SEMA5B: variants seen among roughly 807,000 people sequenced by gnomAD.
SEMA5B encodes the protein semaphorin-5B.
Under a neutral mutation model 135.0 loss-of-function variants are expected in SEMA5B, and 66 were observed. The observed-to-expected ratio is 0.49, with a 90% CI of 0.40 to 0.60. The LOEUF (loss-of-function observed/expected upper bound fraction) is 0.60, where lower values mean the gene tolerates loss of function less well. Among genes scored for constraint, SEMA5B ranks in the 20% least tolerant of loss-of-function variants. The pLI, the probability that SEMA5B is intolerant of heterozygous loss-of-function variation, is 0.00. For synonymous variants in SEMA5B, 690 were observed against 639.5 expected, an observed-to-expected ratio of 1.08 and a Z score of -1.19; for missense variants, 1,501 against 1,566.3, an observed-to-expected ratio of 0.96 and a Z score of 0.70.
intron 1 of SEMA5B, among the ~76,000 whole-genome samples, chr3:122,997,851 C>T (rs1942062677): frequency 6.6e-6 from 1 of 152,176 alleles, no homozygotes; most frequent in Non-Finnish European, 1.5e-5. Flanking sequence ...CCCCACACCA[C>T]CCAGAGTGGG....
chr3:122,934,728 A>T (rs1939165667), intron 5 of SEMA5B, among the ~76,000 whole-genome samples: 1 of 152,168 alleles, frequency 6.6e-6, no homozygotes, highest in Non-Finnish European at 1.5e-5. Context: ...AAATAAAAAG[A>T]ATCCCAGCCT....
chr3:123,006,922 G>A (rs1183311552), intron 1 of SEMA5B, among the ~76,000 whole-genome samples: 1 of 152,166 alleles, frequency 6.6e-6, no homozygotes, highest in Non-Finnish European at 1.5e-5. Flanking sequence ...AATCCCAGCT[G>A]CATTTCCAGA....
At chr3:122,978,961 A>T (rs1380702855) in intron 1 of SEMA5B, among the ~76,000 whole-genome samples, 1 of 152,138 alleles carries the variant, frequency 6.6e-6, no homozygotes, top group Non-Finnish European at 1.5e-5. Flanking sequence ...CCTCCTGCCC[A>T]GGTCTTGCTT....
intron 5 of SEMA5B, among the ~76,000 whole-genome samples, 163 bp from the exon 6 acceptor site, chr3:122,929,221 G>A (rs776490417): frequency 2.0e-5 from 3 of 152,208 alleles, no homozygotes; most frequent in Non-Finnish European, 2.9e-5. Flanking sequence ...ACATGGACGT[G>A]GGAGGGCTCC....
chr3:123,020,377 T>C (rs1389288975), intron 1 of SEMA5B, among the ~76,000 whole-genome samples: 1 of 152,200 alleles, frequency 6.6e-6, no homozygotes, highest in African/African-American at 2.4e-5. Context: ...AGACGAAACA[T>C]ACAAAAATGT....
chr3:122,977,982 G>A (rs572421785), intron 1 of SEMA5B, among the ~76,000 whole-genome samples: 6 of 152,370 alleles, frequency 3.9e-5, no homozygotes, highest in Admixed American at 2.6e-4. Context: ...ATCTGAGCCA[G>A]GGCCAGACCA....
intron 12 of SEMA5B, among the ~76,000 whole-genome samples, chr3:122,917,514 G>T (rs546928833): frequency 6.6e-6 from 1 of 152,294 alleles, no homozygotes; most frequent in East Asian, 1.9e-4. Flanking sequence ...TAACCTGTCA[G>T]GTGAATTCTT....
intron 21 of SEMA5B, 49 bp from the exon 22 acceptor site, chr3:122,911,094 C>T (rs770548789): frequency 3.4e-5 from 50 of 1,472,966 alleles, no homozygotes; most frequent in Non-Finnish European, 4.5e-5. Context: ...GTGAAGAGGA[C>T]AGACTCCTGC....
At position 122,948,519 on chromosome 3, in the gene SEMA5B, G is replaced by T. The variant is rs554777675; in HGVS notation, c.315C>A (p.Thr105=). 2.5e-6 allele frequency: 4 copies of T among 1,603,924 alleles called. No individual in the cohort carries two copies. Among genetic ancestry groups the T allele is most frequent in the Non-Finnish European group, 3.4e-6 (4 of 1,172,848 alleles). ...AGCAACTCTTACCTTCAAAGGCCACGGTGGGGTGCTTGCTAAGGGCGCACA... is the reference window on the plus strand; with the variant it reads ...AGCAACTCTTACCTTCAAAGGCCACTGTGGGGTGCTTGCTAAGGGCGCACA... ...QQLCALSKHP[T]VAFEDLQPWV... is the part of the protein sequence containing the mutation. The change falls in exon 3 of 23, where the codon ACC becomes ACA. Residue 105 remains threonine (T), a synonymous_variant. Coordinates refer to ENST00000357599, the MANE Select transcript of SEMA5B (RefSeq NM_001031702.4).
intron 6 of SEMA5B, 22 bp downstream of exon 6, chr3:122,928,974 C>T: frequency 6.2e-7 from 1 of 1,610,944 alleles, no homozygotes; most frequent in Non-Finnish European, 8.5e-7. Context: ...GGTGGGGCCC[C>T]TGGACCGCCG....
intron 1 of SEMA5B, among the ~76,000 whole-genome samples, chr3:122,971,105 G>A (rs1430136591): frequency 6.6e-6 from 1 of 152,200 alleles, no homozygotes; most frequent in African/African-American, 2.4e-5. Flanking sequence ...CTGACCCTGG[G>A]GCAGCATAGT....
chr3:122,989,136 GGA>G (rs1428805144), intron 1 of SEMA5B, among the ~76,000 whole-genome samples: 1 of 152,174 alleles, frequency 6.6e-6, no homozygotes. Context: ...GCATATGTTC[GGA>G]GAGAGTCCAC....
chr3:122,912,004 GC>G lies in SEMA5B; in HGVS notation c.2961del (p.His988ThrfsTer64). The stretch of plus-strand genomic sequence containing the variant: ...GACCCTGGGAGGAGCTCCTCACAGT[GC>G]CGGCTTCGGCTCTGGGCTCCGTCGT... ...CTDDGAQSRS[R>X]HCEELLPGSS... On this transcript the variant is annotated frameshift_variant, in exon 20 of 23. Coordinates refer to ENST00000357599, the MANE Select transcript of SEMA5B (RefSeq NM_001031702.4). LOFTEE classifies it high-confidence loss of function. 1 of 1,613,688 alleles carries G rather than the reference GC, an allele frequency of 6.2e-7. No homozygotes were observed. The highest frequency in any genetic ancestry group is 8.5e-7 in the Non-Finnish European group (1 of 1,179,784).
At chr3:123,026,842 G>A (rs754364062) in intron 1 of SEMA5B, among the ~76,000 whole-genome samples, 1 of 152,224 alleles carries the variant, frequency 6.6e-6, no homozygotes, top group Non-Finnish European at 1.5e-5. Context: ...GGAGTGCGGG[G>A]CCCTGAGCCA....
intron 1 of SEMA5B, among the ~76,000 whole-genome samples, chr3:122,988,981 C>T (rs1560416158): frequency 6.6e-6 from 1 of 152,224 alleles, no homozygotes; most frequent in Non-Finnish European, 1.5e-5. Context: ...AATCCCATCG[C>T]GTAATCCCAC....
chr3:122,991,216 G>A (rs1189599233), intron 1 of SEMA5B, among the ~76,000 whole-genome samples: 1 of 152,178 alleles, frequency 6.6e-6, no homozygotes, highest in Non-Finnish European at 1.5e-5. Context: ...TCTCCAGTCA[G>A]GATTGGGTGA....
intron 21 of SEMA5B, 193 bp from the exon 22 acceptor site, chr3:122,911,238 G>A: frequency 8.9e-7 from 1 of 1,121,690 alleles, no homozygotes; most frequent in Non-Finnish European, 1.2e-6. Context: ...GTACCCTGTG[G>A]CTCAAGTCAG....
chr3:122,915,432 T>G lies in SEMA5B; in HGVS notation c.1988+8A>C, dbSNP rs1360347797. The G allele has an allele frequency of 6.2e-7, 1 of 1,602,914 alleles. No homozygotes were observed. Among genetic ancestry groups the G allele is most frequent in the Non-Finnish European group, 8.5e-7 (1 of 1,173,326 alleles). Reference sequence around the variant, plus strand: ...GGCAGACACCATGTAAACCCTGTCCTCACATACCTGGAGCAGTTGGCGATG... The same window carrying G: ...GGCAGACACCATGTAAACCCTGTCCGCACATACCTGGAGCAGTTGGCGATG... On this transcript the variant is annotated splice_region_variant and intron_variant, in intron 14 of 22. Transcript: ENST00000357599.
intron 1 of SEMA5B, among the ~76,000 whole-genome samples, chr3:122,990,141 G>A (rs1377087072): frequency 6.6e-6 from 1 of 152,172 alleles, no homozygotes; most frequent in Admixed American, 6.5e-5. Flanking sequence ...GGCACCTGGA[G>A]CACCTCTCAG....
Sources: allele counts gnomAD v4.1 joint callset (sites outside exome capture counted in the v4.1 genomes callset), GRCh38; gene constraint gnomAD v4.1.1; transcripts MANE v1.5; gene names NCBI Gene and HGNC (gene_info 2026-07-23, HGNC 2026-07-21).